VPS41: variants seen among roughly 807,000 people sequenced by gnomAD.
The protein encoded by VPS41 is vacuolar protein sorting-associated protein 41 homolog.
VPS41 carries 85 observed loss-of-function variants against 130.9 expected under a neutral mutation model. The observed-to-expected ratio is 0.65, with a 90% confidence interval of 0.55 to 0.78. The LOEUF is 0.78. Among genes scored for constraint, VPS41 ranks in the 30% least tolerant of loss-of-function variants. The probability of loss-of-function intolerance (pLI) is 0.00; values close to 1 mark genes in which losing one functional copy is unlikely to be tolerated. For missense variants in VPS41, 874 were observed against 1,018.7 expected (o/e 0.86, Z 1.93); for synonymous variants, 335 against 332.9 (o/e 1.01, Z -0.07).
chr7:38,887,260 C>T (rs78790017), intron 2 of VPS41, among the ~76,000 whole-genome samples: 3,013 of 152,066 alleles, frequency 0.02, 39 homozygotes, highest in South Asian at 0.033. Flanking sequence ...TAACCCATCA[C>T]GAGGAAGCTA....
At chr7:38,895,637 T>A (rs997752601) in intron 2 of VPS41, among the ~76,000 whole-genome samples, 2 of 152,170 alleles carry the variant, frequency 1.3e-5, no homozygotes, top group African/African-American at 4.8e-5. Context: ...CATCTTTTTT[T>A]GGTGAGTAGG....
chr7:38,741,682 G>A (rs1795883288), intron 25 of VPS41, among the ~76,000 whole-genome samples: 1 of 152,122 alleles, frequency 6.6e-6, no homozygotes, highest in South Asian at 2.1e-4. Context: ...TACTCGCCTC[G>A]ATTCCATGTT....
At chr7:38,778,994 C>A (rs892108985) in intron 10 of VPS41, among the ~76,000 whole-genome samples, 1 of 152,296 alleles carries the variant, frequency 6.6e-6, no homozygotes, top group Admixed American at 6.5e-5. Flanking sequence ...ATGAGTAAGA[C>A]AGAAAATTTC....
At position 38,725,991 on chromosome 7, in the gene VPS41, A is replaced by C. The variant is rs1795532303; in HGVS notation, c.*255T>G. On this transcript the variant is annotated 3_prime_UTR_variant, in exon 29 of 29. Transcript: ENST00000310301. ...TAGACTTATGTTTCCATTACTATAT[A>C]AAGAATGAGCCAAACAAATAAATAA... is the stretch of plus-strand genomic sequence containing the variant. 2.4e-6 allele frequency: 1 copy of C among 413,434 alleles called. No homozygotes were observed. The highest frequency in any genetic ancestry group is 4.2e-5 in the East Asian group (1 of 23,886). 25.6% of individuals were successfully genotyped at this position (413,434 alleles called of 1,614,324 possible).
At position 38,869,280 on chromosome 7, in the gene VPS41, A is replaced by AC. The variant is rs761521656; in HGVS notation, c.61-28dup. On this transcript the variant is annotated intron_variant, in intron 2 of 28. Coordinates refer to ENST00000310301, the MANE Select transcript of VPS41 (RefSeq NM_014396.4). ...TGCACAAACGGCAAAGAAAAATGAC[A>AC]CCCGTCAGAGATTTATTTGTTTTGA... 5.3e-6 allele frequency: 8 copies of AC among 1,506,730 alleles called. No homozygotes were observed. In the Admixed American group the frequency reaches 1.3e-4, roughly 24 times the overall value. 93.3% of individuals were successfully genotyped at this position (1,506,730 alleles called of 1,614,324 possible). A position where few individuals can be genotyped will look rare whatever the true frequency, so the allele number is the denominator to read the frequency against.
At chr7:38,811,057 A>G (rs759853880) in intron 7 of VPS41, among the ~76,000 whole-genome samples, 3 of 152,182 alleles carry the variant, frequency 2.0e-5, no homozygotes, top group Non-Finnish European at 1.5e-5. Context: ...AACACTTTCA[A>G]AATGAAAGTG....
At chr7:38,830,362 T>G in intron 4 of VPS41, 34 bp from the exon 5 acceptor site, 1 of 1,256,896 alleles carries the variant, frequency 8.0e-7, no homozygotes, top group Non-Finnish European at 1.2e-6. Context: ...TGTGTAAAAC[T>G]TCAGGAAAAT....
In VPS41 at chr7:38,857,406, A is replaced by C. The variant is rs376813334; in HGVS notation, c.246+5139T>G. On this transcript the variant is annotated intron_variant, in intron 4 of 28. Transcript: ENST00000310301. ...GAAAGAAAAACACATAAAGGTGAAC[A>C]GTAGAAATTTATGTTTGATCAGCAA... Among the ~76,000 whole-genome samples, 41 of 152,332 alleles carry C rather than the reference A, an allele frequency of 2.7e-4. 1 individual carries two copies. The highest frequency in any genetic ancestry group is 8.4e-4 in the African/African-American group (35 of 41,586).
At chr7:38,847,357 C>T (rs1179881437) in intron 4 of VPS41, among the ~76,000 whole-genome samples, 4 of 152,140 alleles carry the variant, frequency 2.6e-5, no homozygotes, top group African/African-American at 9.7e-5. Flanking sequence ...GTCCACAGGG[C>T]ATCTATCACT....
chr7:38,751,725 C>G (rs35667896), intron 22 of VPS41, among the ~76,000 whole-genome samples: 9,244 of 152,158 alleles, frequency 0.061, 419 homozygotes, highest in South Asian at 0.13. Flanking sequence ...AGGGTAGACA[C>G]TTAAAGAAGA....
chr7:38,877,830 A>T (rs563136308), intron 2 of VPS41, among the ~76,000 whole-genome samples: 9 of 152,184 alleles, frequency 5.9e-5, no homozygotes, highest in Non-Finnish European at 1.3e-4. Flanking sequence ...AACATAACCC[A>T]CCTGAACAAA....
chr7:38,813,228 T>G (rs984633553), intron 7 of VPS41, among the ~76,000 whole-genome samples: 2 of 152,166 alleles, frequency 1.3e-5, no homozygotes, highest in Non-Finnish European at 2.9e-5. Context: ...ACAACATTGA[T>G]GTACCTAGAA....
In VPS41 at chr7:38,774,111, C is replaced by T. The variant is rs976350; in HGVS notation, c.1012+4G>A. The T allele has an allele frequency of 0.99, 1,585,566 of 1,596,578 alleles. 787,343 individuals are homozygous for T. The highest frequency in any genetic ancestry group is 1 in the African/African-American group (74,460 of 74,564). On this transcript the variant is annotated splice_donor_region_variant and intron_variant, in intron 12 of 28. Coordinates refer to ENST00000310301, the MANE Select transcript of VPS41 (RefSeq NM_014396.4). The stretch of plus-strand genomic sequence containing the variant: ...ATATCAGCCAGATCTTTCATATCTC[C>T]TACCTAAATGATAATCTCTACATTC...
At chr7:38,767,706 A>G (rs1784076142) in intron 14 of VPS41, 108 bp from the exon 15 acceptor site, 1 of 624,174 alleles carries the variant, frequency 1.6e-6, no homozygotes, top group Admixed American at 2.7e-5. Context: ...AGCTCTACTG[A>G]CTATAACCTG....
Position 38,758,447 on chromosome 7 carries a change from T to C in VPS41, c.1457A>G (p.Asp486Gly), listed in dbSNP as rs202222720. 6.2e-6 allele frequency: 10 copies of C among 1,613,274 alleles called. No individual in the cohort carries two copies. In the African/African-American group the frequency reaches 1.3e-4, roughly 22 times the overall value. Reference sequence around the variant, plus strand: ...AACTATGACTGAATTATTATACAGATCTCCAGGCCATTCTCGGATCAATGT... The same window carrying C: ...AACTATGACTGAATTATTATACAGACCTCCAGGCCATTCTCGGATCAATGT... ...FATLIREWPG[D>G]LYNNSVIVQA... The change falls in exon 18 of 29, where the codon GAT becomes GGT. Residue 486 changes from aspartate to glycine, a missense_variant. Physicochemically the swap from Asp to Gly is moderately conservative, Grantham distance 94 (BLOSUM62 -1). Transcript: ENST00000310301.
At chr7:38,751,806 C>G (rs1783680152) in intron 22 of VPS41, among the ~76,000 whole-genome samples, 1 of 152,204 alleles carries the variant, frequency 6.6e-6, no homozygotes, top group Non-Finnish European at 1.5e-5. Flanking sequence ...CTGCTTCTGG[C>G]TTAGGACAGT....
At chr7:38,739,525 A>T (rs1382599539) in intron 25 of VPS41, among the ~76,000 whole-genome samples, 1 of 152,248 alleles carries the variant, frequency 6.6e-6, no homozygotes, top group Admixed American at 6.5e-5. Context: ...TTAAGCGGTC[A>T]TTAATACATT....
chr7:38,755,215 T>C (rs1231988767), intron 19 of VPS41, among the ~76,000 whole-genome samples: 1 of 142,236 alleles, frequency 7.0e-6, no homozygotes, highest in Non-Finnish European at 1.5e-5. Flanking sequence ...GCCCATATCC[T>C]AGCCCCCCGC....
intron 25 of VPS41, among the ~76,000 whole-genome samples, chr7:38,730,240 T>C (rs1312164141): frequency 1.3e-5 from 2 of 152,168 alleles, no homozygotes; most frequent in Non-Finnish European, 2.9e-5. Flanking sequence ...GATGGGCATT[T>C]TGCTTTCATA....
Sources: allele counts gnomAD v4.1 joint callset (sites outside exome capture counted in the v4.1 genomes callset), GRCh38; gene constraint gnomAD v4.1.1; transcripts MANE v1.5; gene names NCBI Gene and HGNC (gene_info 2026-07-23, HGNC 2026-07-21).